FAM32A: variants seen among roughly 807,000 people sequenced by gnomAD.
FAM32A encodes family with sequence similarity 32 member A.
A neutral mutation model predicts 15.8 loss-of-function variants in FAM32A; 9 were observed. That is an observed-to-expected ratio of 0.57 (90% CI 0.34 to 1.00). FAM32A has a LOEUF of 1.00. Among genes scored for constraint, FAM32A ranks in the 50% least tolerant of loss-of-function variants. FAM32A has a pLI of 0.02. For synonymous variants in FAM32A, 64 were observed against 54.9 expected, an observed-to-expected ratio of 1.16 and a Z score of -0.73; for missense variants, 113 against 138.3, an observed-to-expected ratio of 0.82 and a Z score of 0.92.
intron 2 of FAM32A, among the ~76,000 whole-genome samples, chr19:16,187,159 C>A (rs1032836332): frequency 5.9e-5 from 9 of 152,078 alleles, no homozygotes; most frequent in Non-Finnish European, 1.2e-4. Flanking sequence ...CCTGGGCAAG[C>A]CGGCTACCTA....
rs549016714 is a variant in FAM32A, at chr19:16,191,087, C to T, written c.*132C>T. 336 of 718,766 alleles carry T rather than the reference C, an allele frequency of 4.7e-4. No homozygotes were observed. Among genetic ancestry groups the T allele is most frequent in the Non-Finnish European group, 6.8e-4 (276 of 403,324 alleles). The allele number at this position is 718,766 out of a possible 1,614,324, so 44.5% of individuals were successfully genotyped here. ...GCATCTTCTGCTACAGACTGCTTTT[C>T]GAAGCTGTGTACCCTCATTCTGGAA... On this transcript the variant is annotated 3_prime_UTR_variant, in exon 4 of 4. Transcript: ENST00000263384.
Position 16,190,910 on chromosome 19 carries a change from A to G in FAM32A, c.294A>G (p.Thr98=), listed in dbSNP as rs761385716. 13 of 1,613,992 alleles carry G rather than the reference A, an allele frequency of 8.1e-6. No homozygotes were observed. The highest frequency in any genetic ancestry group is 1.1e-5 in the Non-Finnish European group (13 of 1,180,012). The change falls in exon 4 of 4, where the codon ACA becomes ACG. Residue 98 remains threonine (T), a synonymous_variant. Transcript: ENST00000263384. ...RVEDFNRHLD[T]LTEHYDIPKV... ...AGGACTTCAACAGACACCTGGACAC[A>G]CTCACGGAGCATTACGACATTCCCA...
At chr19:16,190,278 T>TC (rs2091400885) in intron 2 of FAM32A, among the ~76,000 whole-genome samples, 1 of 152,110 alleles carries the variant, frequency 6.6e-6, no homozygotes, top group African/African-American at 2.4e-5. Context: ...CAGAGTCTGC[T>TC]CATGGGTACG....
At position 16,190,943 on chromosome 19, in the gene FAM32A, C is replaced by T; in HGVS notation, c.327C>T (p.Ser109=). ...AGCATTACGACATTCCCAAAGTCAG[C>T]TGGACGAAGTAGCCGCCTGCCCCCA... ...LTEHYDIPKV[S]WTK is the part of the protein sequence containing the mutation. Residue 109 remains serine, a synonymous_variant, in exon 4 of 4, where the codon AGC becomes AGT. Transcript: ENST00000263384. 1 of 1,614,056 alleles carries T rather than the reference C, an allele frequency of 6.2e-7. No individual in the cohort carries two copies. Among genetic ancestry groups the T allele is most frequent in the South Asian group, 1.1e-5 (1 of 91,086 alleles).
chr19:16,189,154 C>G (rs2091396599), intron 2 of FAM32A, among the ~76,000 whole-genome samples: 2 of 151,914 alleles, frequency 1.3e-5, no homozygotes, highest in East Asian at 1.9e-4. Context: ...TCCCAAGTAG[C>G]CGGGACTACA....
Position 16,187,391 on chromosome 19 carries a change from G to C in FAM32A, c.216+1626G>C, listed in dbSNP as rs187828657. ...GGAGGATTGCTTGAACCAGTACCCG[G>C]GAGGCAGAGGTTGCAGCGAGCCGAG... On this transcript the variant is annotated intron_variant, in intron 2 of 3. Transcript: ENST00000263384. 439 of 151,514 alleles carry C rather than the reference G, an allele frequency of 2.9e-3. 1 individual carries two copies. The highest frequency in any genetic ancestry group is 9.7e-3 in the African/African-American group (402 of 41,322). 9.4% of individuals were successfully genotyped at this position (151,514 alleles called of 1,614,324 possible). A position where few individuals can be genotyped will look rare whatever the true frequency, so the allele number is the denominator to read the frequency against.
At position 16,185,449 on chromosome 19, in the gene FAM32A, G is replaced by A; in HGVS notation, c.7G>A (p.Ala3Thr). 1 of 1,557,716 alleles carries A rather than the reference G, an allele frequency of 6.4e-7. No homozygotes were observed. Among genetic ancestry groups the A allele is most frequent in the East Asian group, 2.4e-5 (1 of 41,498 alleles). The stretch of plus-strand genomic sequence containing the variant: ...CGAAGCACTGGAGAGTGTCATGGAG[G>A]CCTACGAGCAGGTCCAAAAGGGACC... ME[A>T]YEQVQKGPLK... is the part of the protein sequence containing the mutation. Residue 3 changes from alanine (A) to threonine (T), a missense_variant, in exon 1 of 4, where the codon GCC (alanine) becomes ACC (threonine). Transcript: ENST00000263384.
At position 16,191,116 on chromosome 19, in the gene FAM32A, G is replaced by C. The variant is rs1433107439; in HGVS notation, c.*161G>C. 1.5e-6 allele frequency: 1 copy of C among 646,970 alleles called. No individual in the cohort carries two copies. Among genetic ancestry groups the C allele is most frequent in the South Asian group, 1.7e-5 (1 of 57,620 alleles). The allele number at this position is 646,970 out of a possible 1,614,324, so 40.1% of individuals were successfully genotyped here. On this transcript the variant is annotated 3_prime_UTR_variant, in exon 4 of 4. Transcript: ENST00000263384. ...GCTGTGTACCCTCATTCTGGAACTTGATTAAAGTAAGATCGTCCTTGTACT... is the reference window on the plus strand; with the variant it reads ...GCTGTGTACCCTCATTCTGGAACTTCATTAAAGTAAGATCGTCCTTGTACT...
Position 16,190,562 on chromosome 19 carries a change from C to G in FAM32A, c.259C>G (p.Gln87Glu). Residue 87 changes from glutamine to glutamate, a missense_variant, in exon 3 of 4, where the codon CAG becomes GAG. Gln to Glu is a conservative substitution (Grantham distance 29). Coordinates refer to ENST00000263384, the MANE Select transcript of FAM32A (RefSeq NM_014077.4). ...AAAGAAGGCATCCAAAACCCACAAG[C>G]AGAGAGTGGAGGTGAGTCGCCGTGT... ...ILKKASKTHK[Q>E]RVEDFNRHLD... 6.2e-7 allele frequency: 1 copy of G among 1,613,128 alleles called. No homozygotes were observed. The highest frequency in any genetic ancestry group is 8.5e-7 in the Non-Finnish European group (1 of 1,179,346).
intron 2 of FAM32A, among the ~76,000 whole-genome samples, chr19:16,188,824 G>A (rs189335350): frequency 3.3e-5 from 5 of 152,192 alleles, no homozygotes; most frequent in Non-Finnish European, 5.9e-5. Flanking sequence ...AGAAGGGGGG[G>A]ACAGAGAGGA....
At position 16,191,549 on chromosome 19, in the gene FAM32A, G is replaced by T. The variant is rs1044508000; in HGVS notation, c.*594G>T. Reference sequence around the variant, plus strand: ...CAGCCACCTAAGGCAAGAATGGAACGGACACACCTTGCTCCTTTCTGAGCC... The same window carrying T: ...CAGCCACCTAAGGCAAGAATGGAACTGACACACCTTGCTCCTTTCTGAGCC... On this transcript the variant is annotated 3_prime_UTR_variant, in exon 4 of 4. Transcript: ENST00000263384. 2 of 154,220 alleles carry T rather than the reference G, an allele frequency of 1.3e-5. No individual in the cohort carries two copies. Among genetic ancestry groups the T allele is most frequent in the African/African-American group, 4.8e-5 (2 of 41,458 alleles). The allele number at this position is 154,220 out of a possible 1,614,324, so 9.6% of individuals were successfully genotyped here. A position where few individuals can be genotyped will look rare whatever the true frequency, so the allele number is the denominator to read the frequency against.
rs2091383159 is a variant in FAM32A, at chr19:16,185,755, A to T, written c.206A>T (p.Gln69Leu). ...GCCCAGGCGGCCTTCGAGAAAATGC[A>T]GGAGAAGCGGGTGAGCAGAAGCAGA... Reference protein sequence around the residue: ...TPAQAAFEKMQEKRQMERILK... With the variant: ...TPAQAAFEKMLEKRQMERILK... Residue 69 changes from glutamine (Q) to leucine (L), a missense_variant, in exon 2 of 4, where the codon CAG (glutamine) becomes CTG (leucine). By Grantham distance (113) the Gln-to-Leu change is moderately radical (BLOSUM62 -2). Transcript: ENST00000263384. The T allele has an allele frequency of 6.4e-7, 1 of 1,551,396 alleles. No homozygotes were observed.
chr19:16,185,829 G>T lies in FAM32A; in HGVS notation c.216+64G>T. 2.0e-6 allele frequency: 3 copies of T among 1,521,474 alleles called. No individual in the cohort carries two copies. In the South Asian group the frequency reaches 3.7e-5, roughly 19 times the overall value. 94.2% of individuals were successfully genotyped at this position (1,521,474 alleles called of 1,614,324 possible). A position where few individuals can be genotyped will look rare whatever the true frequency, so the allele number is the denominator to read the frequency against. ...CCGGCGCCGGGAGACTGGAAATTGG[G>T]GTCAGGGCTGGGACGCTCCGAGGGC... On this transcript the variant is annotated intron_variant, in intron 2 of 3. Coordinates refer to ENST00000263384, the MANE Select transcript of FAM32A (RefSeq NM_014077.4).
intron 2 of FAM32A, among the ~76,000 whole-genome samples, chr19:16,187,965 C>T (rs1362476522): frequency 9.3e-5 from 14 of 149,912 alleles, no homozygotes; most frequent in Admixed American, 4.7e-4. Flanking sequence ...AGGCTGGTCT[C>T]GCTCTCCTGA....
At chr19:16,189,696 A>ATTTTTT (rs2091398782) in intron 2 of FAM32A, among the ~76,000 whole-genome samples, 1 of 24,826 alleles carries the variant, frequency 4.0e-5, no homozygotes, top group African/African-American at 1.6e-4. Context: ...TTTTTTTTTG[A>ATTTTTT]CAGGGTCTCT....
chr19:16,187,897 C>G (rs1265644691), intron 2 of FAM32A, among the ~76,000 whole-genome samples: 1 of 152,078 alleles, frequency 6.6e-6, no homozygotes, highest in African/African-American at 2.4e-5. Context: ...AGGCGCCCAC[C>G]ACCATGCCCA....
chr19:16,186,026 C>T (rs959953109), intron 2 of FAM32A, among the ~76,000 whole-genome samples: 2 of 152,140 alleles, frequency 1.3e-5, no homozygotes, highest in East Asian at 3.8e-4. Context: ...AGCTGGAGAC[C>T]CGGGTTTGGA....
intron 2 of FAM32A, chr19:16,186,159 G>C: frequency 4.7e-6 from 1 of 214,270 alleles, no homozygotes; most frequent in Non-Finnish European, 9.4e-6. Flanking sequence ...TTGGGAACTT[G>C]AGAGGAAGTC....
At chr19:16,188,356 G>T (rs919366612) in intron 2 of FAM32A, among the ~76,000 whole-genome samples, 1 of 152,196 alleles carries the variant, frequency 6.6e-6, no homozygotes, top group African/African-American at 2.4e-5. Context: ...ACTGGGGTGG[G>T]AAGGATTGCA....
Sources: gnomAD v4.1 joint callset for allele counts (sites outside exome capture counted in the v4.1 genomes callset) on GRCh38, gnomAD v4.1.1 for gene constraint, MANE v1.5 for transcripts, NCBI Gene and HGNC (gene_info 2026-07-23, HGNC 2026-07-21) for gene names.